DYNC2H1: variants seen among roughly 807,000 people sequenced by gnomAD.
DYNC2H1 encodes cytoplasmic dynein 2 heavy chain 1.
A neutral mutation model predicts 570.0 loss-of-function variants in DYNC2H1; 410 were observed. The ratio of observed to expected loss-of-function variants is 0.72; its 90% CI spans 0.66 to 0.78. The LOEUF (loss-of-function observed/expected upper bound fraction) is 0.78, where lower values mean the gene tolerates loss of function less well. Ranked by LOEUF, DYNC2H1 falls within the 30% of genes least tolerant of loss-of-function variation. The pLI, the probability that DYNC2H1 is intolerant of heterozygous loss-of-function variation, is 0.00. For synonymous variants in DYNC2H1, 1,688 were observed against 1,677.6 expected, an observed-to-expected ratio of 1.01 and a Z score of -0.15; for missense variants, 4,865 against 5,046.4, an observed-to-expected ratio of 0.96 and a Z score of 1.09.
chr11:103,291,405 T>A (rs1866592225), intron 75 of DYNC2H1, among the ~76,000 whole-genome samples: 1 of 152,058 alleles, frequency 6.6e-6, no homozygotes, highest in Admixed American at 6.6e-5. Flanking sequence ...GTCACTGCAC[T>A]CCAGCCTGGG....
chr11:103,224,240 G>T (rs1012889725), intron 59 of DYNC2H1, among the ~76,000 whole-genome samples: 4 of 113,494 alleles, frequency 3.5e-5, no homozygotes, highest in African/African-American at 1.1e-4. Flanking sequence ...AGACCCAAAG[G>T]TTTATGTTCT....
At chr11:103,178,289 T>A (rs1861708684) in intron 38 of DYNC2H1, among the ~76,000 whole-genome samples, 1 of 152,138 alleles carries the variant, frequency 6.6e-6, no homozygotes, top group South Asian at 2.1e-4. Flanking sequence ...TAAGAGAATT[T>A]TTGGCTGGAA....
At position 103,472,142 on chromosome 11, in the gene DYNC2H1, G is replaced by A. The variant is rs1173635889; in HGVS notation, c.12765+3437G>A. ...ATATGGAAGAATGGTGGGGGATGCG[G>A]CCAGAAAGGAAGGCCAAGACCAAGT... is the stretch of plus-strand genomic sequence containing the variant. On this transcript the variant is annotated intron_variant, in intron 88 of 88. Transcript: ENST00000375735. This position sits in a 1 kb window ranked among gnomAD's most constrained non-coding sequence, Gnocchi z 4.1. Among the ~76,000 whole-genome samples, 3 of 152,126 alleles carry A rather than the reference G, an allele frequency of 2.0e-5. No individual in the cohort carries two copies. Among genetic ancestry groups the A allele is most frequent in the Non-Finnish European group, 4.4e-5 (3 of 68,022 alleles).
intron 70 of DYNC2H1, among the ~76,000 whole-genome samples, chr11:103,279,902 T>G (rs1035169357): frequency 6.6e-6 from 1 of 152,202 alleles, no homozygotes; most frequent in African/African-American, 2.4e-5. Context: ...TCCTGTTTGA[T>G]TTAGGAAATT....
intron 70 of DYNC2H1, among the ~76,000 whole-genome samples, chr11:103,267,622 C>G (rs906999184): frequency 6.6e-6 from 1 of 151,828 alleles, no homozygotes; most frequent in African/African-American, 2.4e-5. Context: ...ATACTTAAAA[C>G]TTTTTCATTA....
At chr11:103,202,551 G>T (rs1324351290) in intron 50 of DYNC2H1, among the ~76,000 whole-genome samples, 5 of 151,282 alleles carry the variant, frequency 3.3e-5, no homozygotes, top group Non-Finnish European at 7.4e-5. Flanking sequence ...AAATATCTTG[G>T]TATGTCTAAA....
At chr11:103,251,399 G>T (rs544166085) in intron 65 of DYNC2H1, among the ~76,000 whole-genome samples, 1 of 151,748 alleles carries the variant, frequency 6.6e-6, no homozygotes, top group Non-Finnish European at 1.5e-5. Flanking sequence ...TTTTTGTTGG[G>T]TTTTTTAAAA....
At chr11:103,169,008 T>G in intron 32 of DYNC2H1, 48 bp downstream of exon 32, 1 of 1,472,412 alleles carries the variant, frequency 6.8e-7, no homozygotes, top group Non-Finnish European at 9.0e-7. Flanking sequence ...AATTATTTAC[T>G]GTAAAGAAAA....
At position 103,204,122 on chromosome 11, in the gene DYNC2H1, G is replaced by A. The variant is rs1474062365; in HGVS notation, c.8311+346G>A. On this transcript the variant is annotated intron_variant, in intron 51 of 88. Coordinates refer to ENST00000375735, the MANE Select transcript of DYNC2H1 (RefSeq NM_001377.3). This position sits in a 1 kb window ranked among gnomAD's most constrained non-coding sequence, Gnocchi z 4.1. Reference sequence around the variant, plus strand: ...CATGGATGGCAGCAAGCAAAGGAGGGCTTGTGCAGAAAAACTCCTGTTTTT... The same window carrying A: ...CATGGATGGCAGCAAGCAAAGGAGGACTTGTGCAGAAAAACTCCTGTTTTT... Among the ~76,000 whole-genome samples the A allele has an allele frequency of 1.3e-5, 2 of 152,040 alleles. No individual in the cohort carries two copies. The highest frequency in any genetic ancestry group is 3.9e-4 in the East Asian group (2 of 5,180).
At chr11:103,316,516 G>GT in intron 79 of DYNC2H1, 29 bp from the exon 80 acceptor site, 1 of 1,485,338 alleles carries the variant, frequency 6.7e-7, no homozygotes. Context: ...CTGCTTAGTT[G>GT]TTTACTTAAA....
rs2135444436 is a variant in DYNC2H1, at chr11:103,323,896, C to T, written c.11945C>T (p.Ala3982Val). Reference sequence around the variant, plus strand: ...CTTCTTTATATTTAGGACTATCGTGCTGTCATTGAGAAAATTCCAGAGGAC... The same window carrying T: ...CTTCTTTATATTTAGGACTATCGTGTTGTCATTGAGAAAATTCCAGAGGAC... ...PQSCSILDYRAVIEKIPEDDK... is the reference protein window; with the variant it reads ...PQSCSILDYRVVIEKIPEDDK... The change falls in exon 82 of 89, where the codon GCT becomes GTT. Residue 3982 changes from alanine to valine, a missense_variant. This residue lies in a region of DYNC2H1 where 2,401 missense variants were observed against 2,454.6 expected (regional missense o/e 0.98). Transcript: ENST00000375735. 3 of 1,612,002 alleles carry T rather than the reference C, an allele frequency of 1.9e-6. 1 individual carries two copies. The African/African-American group carries it at 4.0e-5, about 21-fold the overall frequency.
chr11:103,226,879 C>T (rs901357697), intron 59 of DYNC2H1, among the ~76,000 whole-genome samples: 12 of 152,068 alleles, frequency 7.9e-5, no homozygotes, highest in African/African-American at 2.7e-4. Context: ...TGTTATTGGT[C>T]TGTTAAGAGG....
intron 83 of DYNC2H1, among the ~76,000 whole-genome samples, chr11:103,391,389 G>A (rs556731736): frequency 6.6e-6 from 1 of 152,150 alleles, no homozygotes; most frequent in Non-Finnish European, 1.5e-5. Flanking sequence ...ATTTTAGTTA[G>A]CCATTCATCT....
At chr11:103,419,289 G>A (rs7933071) in intron 84 of DYNC2H1, among the ~76,000 whole-genome samples, 43,989 of 152,120 alleles carry the variant, frequency 0.29, 6,444 homozygotes, top group South Asian at 0.35. Flanking sequence ...AAATGAGCCA[G>A]ACTGATTCTT....
chr11:103,139,267 G>T (rs1323540098), intron 17 of DYNC2H1, among the ~76,000 whole-genome samples: 2 of 151,260 alleles, frequency 1.3e-5, no homozygotes, highest in Non-Finnish European at 3.0e-5. Context: ...TTTTGAATGT[G>T]TTTGCTCTTG....
chr11:103,202,704 T>G (rs1449822295), intron 50 of DYNC2H1, among the ~76,000 whole-genome samples: 2 of 152,118 alleles, frequency 1.3e-5, no homozygotes, highest in African/African-American at 4.8e-5. Context: ...ATGAATGCAT[T>G]ATTTTGGATG....
chr11:103,429,131 G>T (rs1247255724), intron 84 of DYNC2H1, among the ~76,000 whole-genome samples: 2 of 151,824 alleles, frequency 1.3e-5, no homozygotes, highest in South Asian at 2.1e-4. Context: ...TATGGTGGTG[G>T]GTGCCTGTAG....
At position 103,456,296 on chromosome 11, in the gene DYNC2H1, T is replaced by A; in HGVS notation, c.12588T>A (p.Asp4196Glu). 1 of 1,609,460 alleles carries A rather than the reference T, an allele frequency of 6.2e-7. No individual in the cohort carries two copies. The highest frequency in any genetic ancestry group is 8.5e-7 in the Non-Finnish European group (1 of 1,177,494). ...ACAGGGCAGTGGGTCGTTCTGTGGA[T>A]AGCCTTAAATTTGTAGCCTCATGGA... ...ETARAVGRSVDSLKFVASWKG... is the reference protein window; with the variant it reads ...ETARAVGRSVESLKFVASWKG... Residue 4196 changes from aspartate (D) to glutamate (E), a missense_variant, in exon 87 of 89, where the codon GAT (aspartate) becomes GAA (glutamate). Transcript: ENST00000375735.
rs183020494 is a variant in DYNC2H1 at position 103,177,988 on chromosome 11, T to C, written c.6139+168T>C. The stretch of plus-strand genomic sequence containing the variant: ...CTTTGGAGGGGGCCAAGACATGCTA[T>C]CATTTTCAGTTAAACTCTGTAACTA... On this transcript the variant is annotated intron_variant, in intron 38 of 88. Transcript: ENST00000375735. The surrounding 1 kb of genome is among the most constrained non-coding windows in gnomAD (Gnocchi z 4.4). Among the ~76,000 whole-genome samples, 3 of 152,280 alleles carry C rather than the reference T, an allele frequency of 2.0e-5. No homozygotes were observed. The highest frequency in any genetic ancestry group is 4.4e-5 in the Non-Finnish European group (3 of 68,014).
Sources: allele counts gnomAD v4.1 joint callset (sites outside exome capture counted in the v4.1 genomes callset), GRCh38; gene constraint gnomAD v4.1.1; regional missense constraint gnomAD v4.1.1; non-coding constraint Gnocchi (gnomAD v3.1); transcripts MANE v1.5; gene names NCBI Gene and HGNC (gene_info 2026-07-23, HGNC 2026-07-21).